The following PFDN1 variants were observed in gnomAD, a reference collection of about 807,000 sequenced individuals.
PFDN1 encodes the protein prefoldin 1.
PFDN1 carries 6 observed loss-of-function variants against 17.3 expected under a neutral mutation model. The ratio of observed to expected loss-of-function variants is 0.35; its 90% CI spans 0.19 to 0.69. The LOEUF is 0.69. Among genes scored for constraint, PFDN1 ranks in the 30% least tolerant of loss-of-function variants. PFDN1 has a pLI of 0.65. For synonymous variants in PFDN1, 58 were observed against 50.1 expected (o/e 1.16, Z -0.67); for missense variants, 113 against 146.2 (o/e 0.77, Z 1.17).
intron 3 of PFDN1, among the ~76,000 whole-genome samples, chr5:140,261,101 A>C (rs1765058379): frequency 6.8e-6 from 1 of 148,122 alleles, no homozygotes; most frequent in Non-Finnish European, 1.5e-5. Context: ...GGCGGAAGTT[A>C]CAATGAGCCG....
chr5:140,249,306 G>A (rs1025802822), intron 3 of PFDN1, among the ~76,000 whole-genome samples: 2 of 152,198 alleles, frequency 1.3e-5, no homozygotes, highest in Non-Finnish European at 2.9e-5. Flanking sequence ...AAGATGCTGT[G>A]AAGACCAATT....
At chr5:140,283,107 A>G (rs1765434454) in intron 2 of PFDN1, among the ~76,000 whole-genome samples, 1 of 152,232 alleles carries the variant, frequency 6.6e-6, no homozygotes, top group Admixed American at 6.5e-5. Context: ...CTATGCCCCA[A>G]CACCTGGAAG....
chr5:140,252,705 G>T (rs992784973), intron 3 of PFDN1, among the ~76,000 whole-genome samples: 4 of 152,210 alleles, frequency 2.6e-5, no homozygotes, highest in Non-Finnish European at 5.9e-5. Context: ...GGCTGAAGAA[G>T]CATGTTTTGA....
chr5:140,266,465 C>T (rs1412552140), intron 3 of PFDN1, among the ~76,000 whole-genome samples: 1 of 152,200 alleles, frequency 6.6e-6, no homozygotes, highest in Non-Finnish European at 1.5e-5. Context: ...TATGCTTTCC[C>T]AAGATATTTG....
At chr5:140,278,872 T>C (rs1367789364) in intron 3 of PFDN1, among the ~76,000 whole-genome samples, 1 of 152,142 alleles carries the variant, frequency 6.6e-6, no homozygotes, top group African/African-American at 2.4e-5. Flanking sequence ...CATAAAGTTG[T>C]AGCAGTGGAA....
At chr5:140,296,021 C>G (rs1765648755) in intron 2 of PFDN1, among the ~76,000 whole-genome samples, 1 of 152,104 alleles carries the variant, frequency 6.6e-6, no homozygotes, top group Non-Finnish European at 1.5e-5. Context: ...CTGAGTGTCT[C>G]TTCAACTGGC....
intron 3 of PFDN1, among the ~76,000 whole-genome samples, chr5:140,258,965 A>G (rs925184726): frequency 2.0e-5 from 3 of 152,246 alleles, no homozygotes; most frequent in African/African-American, 2.4e-5. Flanking sequence ...AGAACATACA[A>G]TAAGAGGACT....
rs1324547865 is a variant in PFDN1 at position 140,303,054 on chromosome 5, A to G, written c.20T>C (p.Leu7Pro). The G allele has an allele frequency of 1.9e-6, 3 of 1,612,568 alleles. No individual in the cohort carries two copies. Among genetic ancestry groups the G allele is most frequent in the Non-Finnish European group, 2.5e-6 (3 of 1,178,494 alleles). MAAPVDLELKKAFTELQ... is the reference protein window; with the variant it reads MAAPVDPELKKAFTELQ... ...ACCCTCTTTTACCTTCTTCAGCTCT[A>G]GATCCACGGGGGCGGCCATCTTGGT... is the stretch of plus-strand genomic sequence containing the variant. The change falls in exon 1 of 4, where the codon CTA becomes CCA. Residue 7 changes from leucine to proline, a missense_variant. Transcript: ENST00000261813.
intron 3 of PFDN1, among the ~76,000 whole-genome samples, chr5:140,266,833 C>T (rs1765140073): frequency 6.6e-6 from 1 of 152,268 alleles, no homozygotes; most frequent in Non-Finnish European, 1.5e-5. Context: ...TACTAGACTG[C>T]TGTCTCTATA....
intron 2 of PFDN1, among the ~76,000 whole-genome samples, chr5:140,299,846 T>C (rs1765713834): frequency 6.6e-6 from 1 of 151,724 alleles, no homozygotes; most frequent in African/African-American, 2.4e-5. Flanking sequence ...ACCCCGTCTC[T>C]ACTAAAAACA....
intron 2 of PFDN1, among the ~76,000 whole-genome samples, chr5:140,282,206 A>G (rs1765414732): frequency 1.3e-5 from 2 of 151,424 alleles, no homozygotes; most frequent in South Asian, 4.2e-4. Context: ...AAAAAAAAAA[A>G]AAAAAAGAAA....
intron 3 of PFDN1, among the ~76,000 whole-genome samples, chr5:140,248,998 CATTTCTTAA>C (rs909461430): frequency 6.6e-6 from 1 of 152,196 alleles, no homozygotes; most frequent in African/African-American, 2.4e-5. Flanking sequence ...ACGTAGTAGA[CATTTCTTAA>C]AAGAAAAAAT....
chr5:140,275,806 G>T (rs944159120), intron 3 of PFDN1, among the ~76,000 whole-genome samples: 2 of 152,110 alleles, frequency 1.3e-5, no homozygotes, highest in Middle Eastern at 3.2e-3. Flanking sequence ...CAAACTGTGG[G>T]TAGAGGGTGG....
chr5:140,252,421 C>T (rs1386611875), intron 3 of PFDN1, among the ~76,000 whole-genome samples: 1 of 152,042 alleles, frequency 6.6e-6, no homozygotes, highest in African/African-American at 2.4e-5. Context: ...GGTTTCTGAC[C>T]CTGAGTGTGA....
intron 3 of PFDN1, among the ~76,000 whole-genome samples, chr5:140,264,296 G>A (rs1363929031): frequency 6.6e-6 from 1 of 152,026 alleles, no homozygotes. Flanking sequence ...CATGAGATTT[G>A]GAGGAGACAA....
chr5:140,257,263 C>T (rs1231376759), intron 3 of PFDN1, among the ~76,000 whole-genome samples: 1 of 151,694 alleles, frequency 6.6e-6, no homozygotes, highest in Non-Finnish European at 1.5e-5. Context: ...TCACCTCACA[C>T]TTAGAAAACA....
chr5:140,298,779 A>T (rs929291608), intron 2 of PFDN1, among the ~76,000 whole-genome samples: 5 of 151,328 alleles, frequency 3.3e-5, no homozygotes, highest in Admixed American at 2.6e-4. Context: ...TTTGAGGCAG[A>T]GTTTCACTCT....
chr5:140,292,169 T>G (rs1256701330), intron 2 of PFDN1, among the ~76,000 whole-genome samples: 2 of 152,330 alleles, frequency 1.3e-5, no homozygotes, highest in East Asian at 3.9e-4. Context: ...TCTGGCTTCA[T>G]CAAACCCCAA....
intron 3 of PFDN1, among the ~76,000 whole-genome samples, chr5:140,252,566 G>A (rs1041430847): frequency 2.0e-5 from 3 of 152,172 alleles, no homozygotes. Context: ...TCTCTACCAT[G>A]ACTTCCAAAT....
Sources: gnomAD v4.1 joint callset for allele counts (sites outside exome capture counted in the v4.1 genomes callset) on GRCh38, gnomAD v4.1.1 for gene constraint, MANE v1.5 for transcripts, NCBI Gene and HGNC (gene_info 2026-07-23, HGNC 2026-07-21) for gene names.